Variants in MIDEAS observed in about 807,000 individuals in gnomAD.
The protein encoded by MIDEAS is mitotic deacetylase-associated SANT domain protein.
Under a neutral mutation model 102.7 loss-of-function variants are expected in MIDEAS, and 26 were observed. The ratio of observed to expected loss-of-function variants is 0.25; its 90% confidence interval spans 0.19 to 0.35. MIDEAS has a LOEUF of 0.35. Ranked by LOEUF, MIDEAS falls within the 10% of genes least tolerant of loss-of-function variation. The pLI is 1.00. For synonymous variants in MIDEAS, 585 were observed against 591.0 expected, an observed-to-expected ratio of 0.99 and a Z score of 0.15; for missense variants, 1,231 against 1,435.6, an observed-to-expected ratio of 0.86 and a Z score of 2.30.
intron 1 of MIDEAS, among the ~76,000 whole-genome samples, chr14:73,770,891 G>C (rs74062530): frequency 2.6e-5 from 4 of 152,156 alleles, no homozygotes; most frequent in Admixed American, 2.6e-4. Context: ...GCCTGGGCTC[G>C]AGAAGGCAGC....
intron 1 of MIDEAS, among the ~76,000 whole-genome samples, chr14:73,749,383 A>T (rs1489829503): frequency 1.3e-5 from 2 of 150,540 alleles, no homozygotes; most frequent in African/African-American, 2.4e-5. Context: ...AAAAAAAAAA[A>T]AAAAAAATTA....
intron 1 of MIDEAS, among the ~76,000 whole-genome samples, chr14:73,751,658 G>A (rs1437062736): frequency 6.6e-6 from 1 of 152,146 alleles, no homozygotes; most frequent in Non-Finnish European, 1.5e-5. Context: ...CAACACTTTG[G>A]GAGGCCAAAG....
In MIDEAS at chr14:73,753,076, T is replaced by C. The variant is rs115795297; in HGVS notation, c.-248+6687A>G. Among the ~76,000 whole-genome samples, 1,030 of 152,002 alleles carry C rather than the reference T, an allele frequency of 6.8e-3. 13 individuals carry two copies. The highest frequency in any genetic ancestry group is 0.024 in the African/African-American group (988 of 41,442). ...TAAGGGGGAGGACACACTTGGGAGG[T>C]CCCCAGGAAGCCCACACTAAGCTGA... On this transcript the variant is annotated intron_variant, in intron 1 of 12. Coordinates refer to ENST00000423556, the MANE Select transcript of MIDEAS (RefSeq NM_001367710.1).
At chr14:73,772,191 G>A (rs532996229) in intron 1 of MIDEAS, among the ~76,000 whole-genome samples, 1 of 152,328 alleles carries the variant, frequency 6.6e-6, no homozygotes, top group African/African-American at 2.4e-5. Context: ...GAGCTGTTTG[G>A]TTTTCCTGGT....
upstream of MIDEAS, among the ~76,000 whole-genome samples, chr14:73,761,014 C>T (rs2053549573): frequency 6.6e-6 from 1 of 152,290 alleles, no homozygotes; most frequent in East Asian, 1.9e-4. Flanking sequence ...TTCAATGGGG[C>T]TCTAGGGCCA....
chr14:73,719,433 C>T lies in MIDEAS; in HGVS notation c.3006G>A (p.Ser1002=), dbSNP rs148065201. ...NAPGSAGGQA[S]EKPREGTGKS... is the part of the protein sequence containing the mutation. ...TCCCTGTCCCTTCCCTTGGCTTCTC[C>T]GAGGCCTGGCCACCGGCAGACCCAG... Residue 1002 remains serine, a synonymous_variant, in exon 12 of 13, where the codon TCG becomes TCA. Transcript: ENST00000423556. 2 of 1,613,968 alleles carry T rather than the reference C, an allele frequency of 1.2e-6. No individual in the cohort carries two copies. The highest frequency in any genetic ancestry group is 2.7e-5 in the African/African-American group (2 of 74,902).
At position 73,721,304 on chromosome 14, in the gene MIDEAS, T is replaced by A; in HGVS notation, c.2930A>T (p.Asn977Ile). The change falls in exon 11 of 13, where the codon AAT (asparagine) becomes ATT (isoleucine). Residue 977 changes from asparagine (N) to isoleucine (I), a missense_variant. Coordinates refer to ENST00000423556, the MANE Select transcript of MIDEAS (RefSeq NM_001367710.1). Reference protein sequence around the residue: ...AVKATQTLQANESASDILILR... With the variant: ...AVKATQTLQAIESASDILILR... The stretch of plus-strand genomic sequence containing the variant: ...CATGGTGGTCACACTCACCGACTCA[T>A]TGGCCTGTAGTGTCTGCGTGGCTTT... The A allele has an allele frequency of 6.2e-7, 1 of 1,612,900 alleles. No homozygotes were observed. The highest frequency in any genetic ancestry group is 8.5e-7 in the Non-Finnish European group (1 of 1,180,002).
chr14:73,746,267 G>A (rs999486234), intron 1 of MIDEAS, among the ~76,000 whole-genome samples: 7 of 152,202 alleles, frequency 4.6e-5, no homozygotes, highest in Admixed American at 2.6e-4. Context: ...TGGGGGAGGT[G>A]GGGGCTGCTA....
upstream of MIDEAS, among the ~76,000 whole-genome samples, chr14:73,763,988 A>C (rs1595291745): frequency 6.6e-6 from 1 of 152,274 alleles, no homozygotes; most frequent in East Asian, 1.9e-4. Flanking sequence ...GCTACAATTA[A>C]TTATTTTTAC....
intron 1 of MIDEAS, among the ~76,000 whole-genome samples, chr14:73,757,084 G>A (rs1399683511): frequency 6.6e-6 from 1 of 151,724 alleles, no homozygotes; most frequent in Non-Finnish European, 1.5e-5. Flanking sequence ...ACCAGCCTGG[G>A]CAACATGGCA....
chr14:73,769,589 T>TTTTTGTTTTG (rs71460918), intron 1 of MIDEAS, among the ~76,000 whole-genome samples: 100 of 150,156 alleles, frequency 6.7e-4, no homozygotes, highest in Middle Eastern at 3.4e-3. Context: ...TGCAAGAGGG[T>TTTTTGTTTTG]TTTTGTTTTG....
rs2053536454 is a variant in MIDEAS at position 73,759,802 on chromosome 14, C to T, written c.-287G>A. The T allele has an allele frequency of 6.6e-6, 1 of 151,524 alleles. No homozygotes were observed. Among genetic ancestry groups the T allele is most frequent in the Admixed American group, 6.6e-5 (1 of 15,246 alleles). 9.4% of individuals were successfully genotyped at this position (151,524 alleles called of 1,614,324 possible). A position where few individuals can be genotyped will look rare whatever the true frequency, so the allele number is the denominator to read the frequency against. ...GGCTCCGGGCTCCGGGCTCGGCTGT[C>T]CCCCTTCCGCCGCGGGTCGCCGCCT... On this transcript the variant is annotated 5_prime_UTR_variant, in exon 1 of 13. Coordinates refer to ENST00000423556, the MANE Select transcript of MIDEAS (RefSeq NM_001367710.1). This position sits in a 1 kb window ranked among gnomAD's most constrained non-coding sequence, Gnocchi z 6.7.
chr14:73,789,678 CA>C (rs1356435894), upstream of MIDEAS: 1 of 152,250 alleles, frequency 6.6e-6, no homozygotes, highest in Non-Finnish European at 1.5e-5. Context: ...GGGCCAGAGC[CA>C]GATCTAAGCA....
In MIDEAS at chr14:73,739,480, G is replaced by A. The variant is rs777161811; in HGVS notation, c.529C>T (p.Arg177Cys). Reference protein sequence around the residue: ...REKAGGPQLDRYVRPMMPQKV... With the variant: ...REKAGGPQLDCYVRPMMPQKV... ...TGTGGCATCATTGGTCGCACATAGCGGTCCAGCTGTGGGCCCCCCGCTTTC... is the reference window on the plus strand; with the variant it reads ...TGTGGCATCATTGGTCGCACATAGCAGTCCAGCTGTGGGCCCCCCGCTTTC... Residue 177 changes from arginine to cysteine, a missense_variant, in exon 2 of 13, where the codon CGC (arginine) becomes TGC (cysteine). Coordinates refer to ENST00000423556, the MANE Select transcript of MIDEAS (RefSeq NM_001367710.1). 1.9e-5 allele frequency: 30 copies of A among 1,610,246 alleles called. No individual in the cohort carries two copies. The highest frequency in any genetic ancestry group is 4.5e-5 in the East Asian group (2 of 44,890).
At position 73,739,733 on chromosome 14, in the gene MIDEAS, C is replaced by T; in HGVS notation, c.276G>A (p.Val92=). The part of the protein sequence containing the change: ...RTSAAMLSQQ[V]ASVKWPNSVM... ...CAGAGTTGGGCCACTTTACTGAGGC[C>T]ACCTGCTGGGACAGCATGGCTGCTG... The change falls in exon 2 of 13, where the codon GTG becomes GTA. Residue 92 remains valine (V), a synonymous_variant. Transcript: ENST00000423556. 1 of 1,613,932 alleles carries T rather than the reference C, an allele frequency of 6.2e-7. No homozygotes were observed. Among genetic ancestry groups the T allele is most frequent in the Non-Finnish European group, 8.5e-7 (1 of 1,180,014 alleles).
intron 1 of MIDEAS, among the ~76,000 whole-genome samples, chr14:73,754,116 T>C (rs931086619): frequency 1.3e-5 from 2 of 152,210 alleles, no homozygotes; most frequent in East Asian, 1.9e-4. Flanking sequence ...AGTGCCCGCC[T>C]GGTTATTTTT....
chr14:73,743,840 C>T (rs2053314593), intron 1 of MIDEAS, among the ~76,000 whole-genome samples: 1 of 152,040 alleles, frequency 6.6e-6, no homozygotes, highest in South Asian at 2.1e-4. Context: ...CACGGCAACC[C>T]GCCCTGTCAG....
At chr14:73,752,599 G>A (rs920696302) in intron 1 of MIDEAS, among the ~76,000 whole-genome samples, 2 of 152,068 alleles carry the variant, frequency 1.3e-5, no homozygotes, top group Non-Finnish European at 2.9e-5. Context: ...CAGAGGGAGG[G>A]GAGTCTCAGT....
Position 73,738,956 on chromosome 14 carries a change from C to T in MIDEAS, c.1053G>A (p.Lys351=). The change falls in exon 2 of 13, where the codon AAG becomes AAA. Residue 351 remains lysine, a synonymous_variant. Transcript: ENST00000423556. ...PFPRRSRRLS[K]EGILPPSALD... ...GGGCGCTGGGAGGCAGGATACCCTC[C>T]TTAGAGAGGCGGCGGGAGCGGCGGG... The T allele has an allele frequency of 2.0e-6, 3 of 1,533,986 alleles. No individual in the cohort carries two copies. The highest frequency in any genetic ancestry group is 2.6e-6 in the Non-Finnish European group (3 of 1,143,066).
Sources: allele counts gnomAD v4.1 joint callset (sites outside exome capture counted in the v4.1 genomes callset), GRCh38; gene constraint gnomAD v4.1.1; non-coding constraint Gnocchi (gnomAD v3.1); transcripts MANE v1.5; gene names NCBI Gene and HGNC (gene_info 2026-07-23, HGNC 2026-07-21).